Variants in TSPAN11 observed in about 807,000 individuals in gnomAD.
TSPAN11 encodes tetraspanin-11.
A neutral mutation model predicts 32.9 loss-of-function variants in TSPAN11; 29 were observed. The observed-to-expected ratio is 0.88, with a 90% CI of 0.66 to 1.20. TSPAN11 has a LOEUF of 1.20. Among genes scored for constraint, TSPAN11 ranks in the 50% most tolerant of loss-of-function variants. The pLI, the probability that TSPAN11 is intolerant of heterozygous loss-of-function variation, is 0.00. For missense variants in TSPAN11, 283 were observed against 329.1 expected (o/e 0.86, Z 1.08); for synonymous variants, 140 against 141.3 (o/e 0.99, Z 0.07).
At chr12:30,948,514 A>G (rs1938315633) in intron 1 of TSPAN11, among the ~76,000 whole-genome samples, 1 of 152,316 alleles carries the variant, frequency 6.6e-6, no homozygotes, top group African/African-American at 2.4e-5. Context: ...CACCACGTGG[A>G]AGCTGCCAAG....
At chr12:31,010,059 C>A in the TSPAN11 span, among the ~76,000 whole-genome samples, 676 of 152,308 alleles carry the variant, frequency 4.4e-3, 7 homozygotes, top group African/African-American at 0.015. Flanking sequence ...GGCACTTCTG[C>A]CTCCGTAAGA....
chr12:30,961,186 G>C (rs971422653), intron 2 of TSPAN11, among the ~76,000 whole-genome samples: 6 of 151,958 alleles, frequency 3.9e-5, no homozygotes, highest in African/African-American at 9.7e-5. Context: ...CCCTCTTCCT[G>C]CCTCTTCTGC....
chr12:30,984,413 T>C (rs369348642), intron 7 of TSPAN11, among the ~76,000 whole-genome samples: 6 of 152,244 alleles, frequency 3.9e-5, no homozygotes, highest in South Asian at 2.1e-4. Context: ...ACCTGGCACA[T>C]AGGAAGGCCT....
intron 1 of TSPAN11, among the ~76,000 whole-genome samples, chr12:30,939,325 G>A (rs1332002020): frequency 1.1e-4 from 17 of 151,888 alleles, no homozygotes; most frequent in East Asian, 1.9e-4. Flanking sequence ...TTGAGGGCCC[G>A]ACCACTGTGC....
chr12:30,958,705 C>T (rs1304845458), intron 2 of TSPAN11, among the ~76,000 whole-genome samples: 8 of 152,172 alleles, frequency 5.3e-5, no homozygotes, highest in African/African-American at 1.7e-4. Flanking sequence ...ACTTCTCCGT[C>T]ATAGCAGAAG....
Position 30,992,298 on chromosome 12 carries a change from C to T in TSPAN11, c.*383C>T. On this transcript the variant is annotated 3_prime_UTR_variant, in exon 8 of 8. Transcript: ENST00000546076. Reference sequence around the variant, plus strand: ...AGAAAACCCAGGAACCCCGGCACTCCTGCATTCAGCACGGGATTCCCCCAC... The same window carrying T: ...AGAAAACCCAGGAACCCCGGCACTCTTGCATTCAGCACGGGATTCCCCCAC... 1 of 293,530 alleles carries T rather than the reference C, an allele frequency of 3.4e-6. No homozygotes were observed. The highest frequency in any genetic ancestry group is 6.6e-6 in the Non-Finnish European group (1 of 151,188). The allele number at this position is 293,530 out of a possible 1,614,324, so 18.2% of individuals were successfully genotyped here. A position where few individuals can be genotyped will look rare whatever the true frequency, so the allele number is the denominator to read the frequency against.
the TSPAN11 span, among the ~76,000 whole-genome samples, chr12:31,002,790 G>A: frequency 6.6e-6 from 1 of 152,192 alleles, no homozygotes; most frequent in African/African-American, 2.4e-5. This position sits in a 1 kb window ranked among gnomAD's most constrained non-coding sequence, Gnocchi z 4.8. Flanking sequence ...ACCAAAACCT[G>A]GAGGGATGGC....
At chr12:30,956,196 A>G (rs1260800067) in intron 2 of TSPAN11, among the ~76,000 whole-genome samples, 1 of 152,236 alleles carries the variant, frequency 6.6e-6, no homozygotes, top group Non-Finnish European at 1.5e-5. Context: ...CATTGTAAAC[A>G]AGAGACCAAG....
chr12:30,951,569 G>T (rs1938382119), intron 1 of TSPAN11, among the ~76,000 whole-genome samples: 1 of 152,106 alleles, frequency 6.6e-6, no homozygotes, highest in Non-Finnish European at 1.5e-5. Flanking sequence ...ATTATGAAAT[G>T]GAAATAACCC....
the TSPAN11 span, among the ~76,000 whole-genome samples, chr12:31,008,814 C>T: frequency 2.6e-5 from 4 of 152,284 alleles, no homozygotes; most frequent in African/African-American, 7.2e-5. Flanking sequence ...GGGGCCAATG[C>T]GAATCTAAAG....
intron 1 of TSPAN11, among the ~76,000 whole-genome samples, chr12:30,953,297 A>G (rs1391313196): frequency 2.6e-5 from 4 of 152,158 alleles, no homozygotes; most frequent in Admixed American, 2.6e-4. Context: ...TATTATCCCC[A>G]TTTACAGATG....
chr12:30,971,542 C>T (rs1034204350), intron 3 of TSPAN11, among the ~76,000 whole-genome samples: 1 of 152,110 alleles, frequency 6.6e-6, no homozygotes, highest in Non-Finnish European at 1.5e-5. Context: ...GAGTTTGTGA[C>T]CAGCCTGAGC....
At chr12:30,968,976 C>T (rs1283277381) in intron 3 of TSPAN11, among the ~76,000 whole-genome samples, 1 of 152,156 alleles carries the variant, frequency 6.6e-6, no homozygotes, top group Admixed American at 6.5e-5. Flanking sequence ...CCATTTTATA[C>T]AGGATGATGT....
At chr12:31,004,035 C>A in the TSPAN11 span, among the ~76,000 whole-genome samples, 17 of 152,266 alleles carry the variant, frequency 1.1e-4, no homozygotes, top group Non-Finnish European at 2.1e-4. Flanking sequence ...CAGGTGGAGG[C>A]TGGAGAAGAG....
intron 1 of TSPAN11, among the ~76,000 whole-genome samples, chr12:30,931,353 G>T (rs898188322): frequency 6.6e-5 from 10 of 152,154 alleles, no homozygotes; most frequent in African/African-American, 2.4e-4. Flanking sequence ...AAAGGACAAA[G>T]GACAGAAGCA....
rs1344744468 is a variant in TSPAN11, at chr12:30,991,950, G to A, written c.*35G>A. The stretch of plus-strand genomic sequence containing the variant: ...ACCTCCTCTTCCAACTGCCCCTCAA[G>A]ACAACATGTGGCCACATGCCATCTG... On this transcript the variant is annotated 3_prime_UTR_variant, in exon 8 of 8. Coordinates refer to ENST00000546076, the MANE Select transcript of TSPAN11 (RefSeq NM_001370302.1). 6.2e-7 allele frequency: 1 copy of A among 1,612,968 alleles called. No homozygotes were observed. The highest frequency in any genetic ancestry group is 8.5e-7 in the Non-Finnish European group (1 of 1,179,174).
At chr12:30,996,941 G>C (rs1939426962), downstream of TSPAN11, 1 of 152,220 alleles carries the variant, frequency 6.6e-6, no homozygotes, top group Non-Finnish European at 1.5e-5. Context: ...CACACAACCA[G>C]CATCTGTTCA....
At chr12:31,003,307 G>C in the TSPAN11 span, among the ~76,000 whole-genome samples, 5 of 152,220 alleles carry the variant, frequency 3.3e-5, no homozygotes, top group Admixed American at 2.6e-4. Context: ...AAGGGGCTTG[G>C]AGGAACATCT....
At chr12:31,011,271 G>C in the TSPAN11 span, among the ~76,000 whole-genome samples, 4 of 152,158 alleles carry the variant, frequency 2.6e-5, no homozygotes, top group Non-Finnish European at 5.9e-5. Flanking sequence ...ATGCATGCCT[G>C]TCATCCCAGC....
Sources: allele counts gnomAD v4.1 joint callset (sites outside exome capture counted in the v4.1 genomes callset), GRCh38; gene constraint gnomAD v4.1.1; non-coding constraint Gnocchi (gnomAD v3.1); transcripts MANE v1.5; gene names NCBI Gene and HGNC (gene_info 2026-07-23, HGNC 2026-07-21).